Variants in CD81 observed in about 807,000 individuals in gnomAD.
The protein encoded by CD81 is CD81 antigen.
In CD81, 10 loss-of-function variants were observed where a neutral mutation model predicts 30.1. The ratio of observed to expected loss-of-function variants is 0.33; its 90% confidence interval spans 0.21 to 0.56. The LOEUF (loss-of-function observed/expected upper bound fraction) is 0.56, where lower values mean the gene tolerates loss of function less well. Ranked by LOEUF, CD81 falls within the 20% of genes least tolerant of loss-of-function variation. CD81 has a pLI of 0.89. For synonymous variants in CD81, 147 were observed against 126.4 expected (o/e 1.16, Z -1.10); for missense variants, 263 against 308.7 (o/e 0.85, Z 1.11).
In CD81 at chr11:2,388,145, CA is replaced by C. The variant is rs546643575; in HGVS notation, c.67-2265del. 8.5e-5 allele frequency among the ~76,000 whole-genome samples: 13 copies of C among 152,330 alleles called. No individual in the cohort carries two copies. In the South Asian group the frequency reaches 2.7e-3, roughly 32 times the overall value. ...CACTGTAGCCTCAACCTCCTGAGCTCAAGCGATCCTCCTGCCTCAGCCTCCA... is the reference window on the plus strand; with the variant it reads ...CACTGTAGCCTCAACCTCCTGAGCTCAGCGATCCTCCTGCCTCAGCCTCCA... On this transcript the variant is annotated intron_variant, in intron 1 of 7. Transcript: ENST00000263645.
chr11:2,386,193 G>A (rs992887317), intron 1 of CD81: 13 of 714,984 alleles, frequency 1.8e-5, no homozygotes, highest in Admixed American at 8.0e-5. Flanking sequence ...TGCTGTGTGT[G>A]GATCTTGCGG....
intron 4 of CD81, 23 bp downstream of exon 4, chr11:2,395,069 A>C (rs1449878607): frequency 3.6e-6 from 4 of 1,120,800 alleles, no homozygotes; most frequent in Non-Finnish European, 3.9e-6. Flanking sequence ...GTGCAGGGAC[A>C]GGGTGGGGTG....
intron 2 of CD81, chr11:2,391,310 G>C (rs1320886241): frequency 6.5e-6 from 1 of 153,424 alleles, no homozygotes; most frequent in Non-Finnish European, 1.4e-5. Flanking sequence ...TGTGTCCCCA[G>C]TCCTCAGGGC....
Position 2,394,224 on chromosome 11 carries a change from CG to C in CD81, c.279+36del, listed in dbSNP as rs575100898. The C allele has an allele frequency of 3.8e-4, 559 of 1,469,010 alleles. 1 individual carries two copies. In the African/African-American group the frequency reaches 6.3e-3, roughly 17 times the overall value. 91.0% of individuals were successfully genotyped at this position (1,469,010 alleles called of 1,614,324 possible). On this transcript the variant is annotated intron_variant, in intron 3 of 7. Coordinates refer to ENST00000263645, the MANE Select transcript of CD81 (RefSeq NM_004356.4). Reference sequence around the variant, plus strand: ...CAGGGAGGCGGGCCTGTGCCTGGGCCGGGGAGGGGCTGGGGGCTGCGTCTGG... The same window carrying C: ...CAGGGAGGCGGGCCTGTGCCTGGGCCGGGAGGGGCTGGGGGCTGCGTCTGG...
chr11:2,381,746 C>T (rs888944674), intron 1 of CD81, among the ~76,000 whole-genome samples: 15 of 152,314 alleles, frequency 9.8e-5, no homozygotes, highest in East Asian at 1.9e-4. Flanking sequence ...CCAGGCTGGG[C>T]GTGCTATGGG....
chr11:2,381,087 C>T (rs978631040), intron 1 of CD81, among the ~76,000 whole-genome samples: 4 of 152,232 alleles, frequency 2.6e-5, no homozygotes, highest in Non-Finnish European at 5.9e-5. Context: ...ACATCCTGTG[C>T]CTGGTTTCAC....
chr11:2,396,907 C>CT lies in CD81; in HGVS notation c.*42dup, dbSNP rs778297508. On this transcript the variant is annotated 3_prime_UTR_variant, in exon 8 of 8. Transcript: ENST00000263645. ...GCCACAGGGACCTCTGCAGTGCCCCCTAAGTGACCCGGACACTTCCGAGGG... is the reference window on the plus strand; with the variant it reads ...GCCACAGGGACCTCTGCAGTGCCCCCTTAAGTGACCCGGACACTTCCGAGGG... The CT allele has an allele frequency of 6.3e-7, 1 of 1,592,078 alleles. No individual in the cohort carries two copies. The highest frequency in any genetic ancestry group is 8.6e-7 in the Non-Finnish European group (1 of 1,162,932).
intron 1 of CD81, among the ~76,000 whole-genome samples, chr11:2,380,788 TCTC>T (rs1849692240): frequency 1.3e-5 from 2 of 152,060 alleles, no homozygotes; most frequent in African/African-American, 2.4e-5. Flanking sequence ...ATAAGAGTCT[TCTC>T]CTCGGGGGCT....
intron 1 of CD81, among the ~76,000 whole-genome samples, chr11:2,385,446 G>A (rs1181390954): frequency 1.3e-5 from 2 of 152,208 alleles, no homozygotes; most frequent in Non-Finnish European, 2.9e-5. Flanking sequence ...CATCGTTGCT[G>A]TTCTGCCTCT....
intron 1 of CD81, chr11:2,386,432 C>T (rs1400162505): frequency 3.0e-6 from 2 of 666,978 alleles, no homozygotes; most frequent in Admixed American, 2.1e-5. Flanking sequence ...TTTCCCACCA[C>T]GGGGCTTGGG....
intron 1 of CD81, chr11:2,384,763 T>C (rs1044761734): frequency 6.3e-5 from 10 of 157,650 alleles, no homozygotes; most frequent in African/African-American, 1.9e-4. Context: ...CCGGCACTTA[T>C]GAAACCTCAC....
At position 2,395,978 on chromosome 11, in the gene CD81, A is replaced by T. The variant is rs956997433; in HGVS notation, c.561+8A>T. On this transcript the variant is annotated splice_region_variant and intron_variant, in intron 6 of 7. Transcript: ENST00000263645. ...ATCAGCAACCTCTTCAAGGTGCGCG[A>T]GGCCGGTGGGGCCGCGCCTGACCCC... The T allele has an allele frequency of 6.3e-7, 1 of 1,589,688 alleles. No individual in the cohort carries two copies. The highest frequency in any genetic ancestry group is 1.3e-5 in the African/African-American group (1 of 74,408).
In CD81 at chr11:2,391,011, C is replaced by T. The variant is rs538646723; in HGVS notation, c.181+485C>T. 16 of 251,440 alleles carry T rather than the reference C, an allele frequency of 6.4e-5. No homozygotes were observed. In the South Asian group the frequency reaches 6.8e-4, roughly 11 times the overall value. 15.6% of individuals were successfully genotyped at this position (251,440 alleles called of 1,614,324 possible). A position where few individuals can be genotyped will look rare whatever the true frequency, so the allele number is the denominator to read the frequency against. On this transcript the variant is annotated intron_variant, in intron 2 of 7. Coordinates refer to ENST00000263645, the MANE Select transcript of CD81 (RefSeq NM_004356.4). ...ACTCAGCTGCCCCTGCAGGCAGCTGCACCTTGCTGCCTTATTAGGCTGCGT... is the reference window on the plus strand; with the variant it reads ...ACTCAGCTGCCCCTGCAGGCAGCTGTACCTTGCTGCCTTATTAGGCTGCGT...
chr11:2,387,796 A>G (rs560026193), intron 1 of CD81, among the ~76,000 whole-genome samples: 1 of 152,342 alleles, frequency 6.6e-6, no homozygotes, highest in Admixed American at 6.5e-5. Flanking sequence ...TCGGCACAGA[A>G]GAGCTTCAGT....
Position 2,390,417 on chromosome 11 carries a change from T to G in CD81, c.72T>G (p.Ala24=), listed in dbSNP as rs1346884023. ...LFVFNFVFWL[A]GGVILGVALW... The stretch of plus-strand genomic sequence containing the variant: ...CTGTTCCCGCTCTTTCCCAGCTGGC[T>G]GGAGGCGTGATCCTGGGTGTGGCCC... Residue 24 remains alanine, a synonymous_variant, in exon 2 of 8, where the codon GCT becomes GCG. Coordinates refer to ENST00000263645, the MANE Select transcript of CD81 (RefSeq NM_004356.4). 1.2e-6 allele frequency: 2 copies of G among 1,612,016 alleles called. No homozygotes were observed. Among genetic ancestry groups the G allele is most frequent in the African/African-American group, 1.3e-5 (1 of 74,934 alleles).
In CD81 at chr11:2,394,086, C is replaced by A. The variant is rs1289563008; in HGVS notation, c.182-9C>A. 6.2e-7 allele frequency: 1 copy of A among 1,609,056 alleles called. No individual in the cohort carries two copies. Among genetic ancestry groups the A allele is most frequent in the African/African-American group, 1.3e-5 (1 of 74,972 alleles). On this transcript the variant is annotated splice_polypyrimidine_tract_variant and intron_variant, in intron 2 of 7. Transcript: ENST00000263645. ...GTAGGCACCCACCTGGTGTCTCTCT[C>A]CCCGCAAGGCATCTACATCCTCATC... is the stretch of plus-strand genomic sequence containing the variant.
At chr11:2,379,198 C>T (rs765415056) in intron 1 of CD81, 1 of 453,478 alleles carries the variant, frequency 2.2e-6, no homozygotes, top group South Asian at 1.6e-5. Flanking sequence ...AGCCCCGTCC[C>T]CTGACGAGGC....
chr11:2,386,947 G>A (rs111487155), intron 1 of CD81, among the ~76,000 whole-genome samples: 23 of 152,350 alleles, frequency 1.5e-4, no homozygotes, highest in South Asian at 8.3e-4. Flanking sequence ...CTCCCCATAC[G>A]GCCCTGGAGT....
chr11:2,387,836 C>T (rs1160579981), intron 1 of CD81, among the ~76,000 whole-genome samples: 2 of 152,216 alleles, frequency 1.3e-5, no homozygotes, highest in East Asian at 3.9e-4. Context: ...AGTAGGCTGC[C>T]ATCCTCGCTA....
Sources: allele counts gnomAD v4.1 joint callset (sites outside exome capture counted in the v4.1 genomes callset), GRCh38; gene constraint gnomAD v4.1.1; transcripts MANE v1.5; gene names NCBI Gene and HGNC (gene_info 2026-07-23, HGNC 2026-07-21).